Variants in EFCAB11 observed in about 807,000 individuals in gnomAD.
EFCAB11 encodes EF-hand calcium-binding domain-containing protein 11.
A neutral mutation model predicts 23.0 loss-of-function variants in EFCAB11; 14 were observed. The ratio of observed to expected loss-of-function variants is 0.61; its 90% CI spans 0.40 to 0.95. EFCAB11 has a LOEUF of 0.95. EFCAB11 is among the 40% of genes least tolerant of loss of function. The pLI, the probability that EFCAB11 is intolerant of heterozygous loss-of-function variation, is 0.00. For synonymous variants in EFCAB11, 65 were observed against 66.6 expected, an observed-to-expected ratio of 0.98 and a Z score of 0.11; for missense variants, 198 against 195.8, an observed-to-expected ratio of 1.01 and a Z score of -0.07.
At chr14:89,816,224 T>C (rs1886334346) in intron 5 of EFCAB11, among the ~76,000 whole-genome samples, 1 of 152,240 alleles carries the variant, frequency 6.6e-6, no homozygotes, top group East Asian at 1.9e-4. Flanking sequence ...CTGATTTCTG[T>C]AAGTTGATTT....
chr14:89,854,163 C>T (rs922430242), intron 5 of EFCAB11, among the ~76,000 whole-genome samples: 4 of 149,480 alleles, frequency 2.7e-5, no homozygotes, highest in South Asian at 4.3e-4. Flanking sequence ...GTATTTCCCC[C>T]GAGAAGATAA....
At chr14:89,903,934 TATTA>T (rs1213226455) in intron 5 of EFCAB11, among the ~76,000 whole-genome samples, 2 of 152,194 alleles carry the variant, frequency 1.3e-5, no homozygotes, top group Non-Finnish European at 2.9e-5. Flanking sequence ...ACCCATATTT[TATTA>T]ATTCTGTTCC....
chr14:89,803,437 G>A (rs531529479), intron 5 of EFCAB11, among the ~76,000 whole-genome samples: 2 of 152,308 alleles, frequency 1.3e-5, no homozygotes, highest in South Asian at 2.1e-4. Context: ...CTGACAGATA[G>A]TAATTATTTT....
At chr14:89,937,547 G>C (rs939221042) in intron 3 of EFCAB11, among the ~76,000 whole-genome samples, 1 of 151,840 alleles carries the variant, frequency 6.6e-6, no homozygotes, top group African/African-American at 2.4e-5. Context: ...ATATATTTTA[G>C]ATGGAGTCTC....
chr14:89,832,476 G>A (rs554842909), intron 5 of EFCAB11, among the ~76,000 whole-genome samples: 1 of 152,236 alleles, frequency 6.6e-6, no homozygotes, highest in East Asian at 1.9e-4. Flanking sequence ...TCATGATTTC[G>A]CATGACGCCT....
chr14:89,917,808 G>A (rs958881592), intron 5 of EFCAB11, among the ~76,000 whole-genome samples: 8 of 152,124 alleles, frequency 5.3e-5, no homozygotes, highest in Admixed American at 2.0e-4. Context: ...GAGCAATAAA[G>A]GACTCTCAGC....
At chr14:89,869,486 T>C (rs1888200866) in intron 5 of EFCAB11, among the ~76,000 whole-genome samples, 1 of 152,064 alleles carries the variant, frequency 6.6e-6, no homozygotes, top group Non-Finnish European at 1.5e-5. Flanking sequence ...TTCTATGAGG[T>C]TAAAAAAAAT....
chr14:89,934,985 C>T (rs1053851246), intron 3 of EFCAB11, among the ~76,000 whole-genome samples: 1 of 152,188 alleles, frequency 6.6e-6, no homozygotes, highest in African/African-American at 2.4e-5. Flanking sequence ...CTTTCGCACT[C>T]CACACCTTTG....
At chr14:89,854,095 T>C (rs1443329843) in intron 5 of EFCAB11, among the ~76,000 whole-genome samples, 3 of 151,984 alleles carry the variant, frequency 2.0e-5, no homozygotes, top group African/African-American at 7.3e-5. Flanking sequence ...AGAGGTCTCA[T>C]TACAACCATC....
Position 89,795,163 on chromosome 14 carries a change from A to G in EFCAB11, c.*2080T>C, listed in dbSNP as rs1236823156. ...CAGCTAATCTTTTTTTGTTTTTTGT[A>G]TTTTTAGTAGAGACGGGGTTTCACC... is the stretch of plus-strand genomic sequence containing the variant. On this transcript the variant is annotated 3_prime_UTR_variant, in exon 6 of 6. Transcript: ENST00000316738. The G allele has an allele frequency of 6.7e-6, 1 of 149,838 alleles. No individual in the cohort carries two copies. The highest frequency in any genetic ancestry group is 1.5e-5 in the Non-Finnish European group (1 of 67,422). 9.3% of individuals were successfully genotyped at this position (149,838 alleles called of 1,614,324 possible). A position where few individuals can be genotyped will look rare whatever the true frequency, so the allele number is the denominator to read the frequency against.
At chr14:89,851,641 A>G (rs1887604093) in intron 5 of EFCAB11, among the ~76,000 whole-genome samples, 1 of 152,240 alleles carries the variant, frequency 6.6e-6, no homozygotes, top group Non-Finnish European at 1.5e-5. Flanking sequence ...GAGAGAAACG[A>G]AAAGCAAATT....
At chr14:89,945,885 T>C (rs372450928) in intron 3 of EFCAB11, among the ~76,000 whole-genome samples, 2 of 152,028 alleles carry the variant, frequency 1.3e-5, no homozygotes, top group Non-Finnish European at 2.9e-5. Flanking sequence ...TTTTGCTTCA[T>C]GTATTTTGAA....
chr14:89,879,552 C>T (rs1169506205), intron 5 of EFCAB11, among the ~76,000 whole-genome samples: 1 of 151,104 alleles, frequency 6.6e-6, no homozygotes, highest in Non-Finnish European at 1.5e-5. Flanking sequence ...ACCAAACAAA[C>T]AGAAAAACTC....
chr14:89,880,453 C>T (rs927900570), intron 5 of EFCAB11, among the ~76,000 whole-genome samples: 1 of 152,142 alleles, frequency 6.6e-6, no homozygotes, highest in African/African-American at 2.4e-5. Context: ...CTGCATTCTC[C>T]TGAATACTGG....
chr14:89,817,791 C>T (rs571030103), intron 5 of EFCAB11, among the ~76,000 whole-genome samples: 2 of 152,060 alleles, frequency 1.3e-5, no homozygotes, highest in African/African-American at 4.8e-5. Context: ...GTCAGGAATT[C>T]GAGACCAGCC....
chr14:89,935,320 G>A (rs1359638245), intron 3 of EFCAB11, among the ~76,000 whole-genome samples: 1 of 151,332 alleles, frequency 6.6e-6, no homozygotes, highest in Non-Finnish European at 1.5e-5. Flanking sequence ...TGTTTGCTGA[G>A]TAAGTAACAT....
intron 5 of EFCAB11, among the ~76,000 whole-genome samples, chr14:89,918,795 G>A (rs1192291135): frequency 6.6e-6 from 1 of 151,900 alleles, no homozygotes; most frequent in African/African-American, 2.4e-5. Context: ...GAAGAACTCT[G>A]AGTTCTGCAG....
At chr14:89,922,279 C>T (rs1890043594) in intron 5 of EFCAB11, among the ~76,000 whole-genome samples, 1 of 152,208 alleles carries the variant, frequency 6.6e-6, no homozygotes, top group Admixed American at 6.5e-5. Context: ...CTCTTGAGAA[C>T]AGTCTTTGTC....
chr14:89,871,419 T>G (rs1190866445), intron 5 of EFCAB11, among the ~76,000 whole-genome samples: 1 of 152,188 alleles, frequency 6.6e-6, no homozygotes, highest in Non-Finnish European at 1.5e-5. Context: ...GTTGTTTCAA[T>G]GGGTGGACCT....
Sources: allele counts gnomAD v4.1 joint callset (sites outside exome capture counted in the v4.1 genomes callset), GRCh38; gene constraint gnomAD v4.1.1; transcripts MANE v1.5; gene names NCBI Gene and HGNC (gene_info 2026-07-23, HGNC 2026-07-21).